Variants in CAMKMT observed in about 807,000 individuals in gnomAD.
CAMKMT encodes CaM KMT.
Under a neutral mutation model 48.0 loss-of-function variants are expected in CAMKMT, and 53 were observed. The ratio of observed to expected loss-of-function variants is 1.10; its 90% CI spans 0.89 to 1.39. CAMKMT has a LOEUF of 1.39. CAMKMT is among the 40% of genes most tolerant of loss of function. CAMKMT has a pLI of 0.00. For synonymous variants in CAMKMT, 165 were observed against 152.3 expected, an observed-to-expected ratio of 1.08 and a Z score of -0.61; for missense variants, 428 against 402.7, an observed-to-expected ratio of 1.06 and a Z score of -0.54.
At chr2:44,494,549 A>G (rs1558656039) in intron 3 of CAMKMT, among the ~76,000 whole-genome samples, 1 of 152,222 alleles carries the variant, frequency 6.6e-6, no homozygotes, top group Non-Finnish European at 1.5e-5. Context: ...CTAGGACATA[A>G]AAATGGAAAC....
chr2:44,414,175 T>C (rs1322597293), intron 3 of CAMKMT, among the ~76,000 whole-genome samples: 1 of 152,184 alleles, frequency 6.6e-6, no homozygotes, highest in Non-Finnish European at 1.5e-5. Flanking sequence ...TAATGGTTAT[T>C]TTCTGGTTGT....
chr2:44,602,370 G>T (rs1382721431), intron 3 of CAMKMT, among the ~76,000 whole-genome samples: 1 of 152,012 alleles, frequency 6.6e-6, no homozygotes, highest in East Asian at 1.9e-4. Flanking sequence ...TCTATAGTGT[G>T]AATGCACCAT....
intron 3 of CAMKMT, chr2:44,400,744 C>T (rs1369001844): frequency 1.3e-5 from 2 of 151,434 alleles, no homozygotes; most frequent in African/African-American, 4.8e-5. Context: ...AAAAAATAAG[C>T]TAACACTATT....
intron 3 of CAMKMT, among the ~76,000 whole-genome samples, chr2:44,488,570 T>C (rs1433645467): frequency 6.6e-6 from 1 of 151,954 alleles, no homozygotes; most frequent in Non-Finnish European, 1.5e-5. Flanking sequence ...GGCATGGTGG[T>C]GTGCACCTGT....
At chr2:44,541,685 C>T (rs1007156323) in intron 3 of CAMKMT, among the ~76,000 whole-genome samples, 1 of 150,714 alleles carries the variant, frequency 6.6e-6, no homozygotes, top group Non-Finnish European at 1.5e-5. Flanking sequence ...GTAAGAGGAT[C>T]ACTGGGTCCC....
chr2:44,534,286 A>G (rs1666646351), intron 3 of CAMKMT, among the ~76,000 whole-genome samples: 1 of 152,156 alleles, frequency 6.6e-6, no homozygotes, highest in Non-Finnish European at 1.5e-5. Flanking sequence ...GGAATTCAGT[A>G]TTCCACTCAT....
chr2:44,768,827 G>T (rs1680976767), intron 10 of CAMKMT, among the ~76,000 whole-genome samples: 2 of 152,118 alleles, frequency 1.3e-5, no homozygotes, highest in Admixed American at 1.3e-4. Context: ...CCTGGGACGC[G>T]CTGCTCCCCA....
In CAMKMT at chr2:44,577,618, C is replaced by CA. The variant is rs976059297; in HGVS notation, c.377-126657dup. On this transcript the variant is annotated intron_variant, in intron 3 of 10. Coordinates refer to ENST00000378494, the MANE Select transcript of CAMKMT (RefSeq NM_024766.5). ...TGAGAGACAGAGTGAGACCCTGTCT[C>CA]AAAAAAAATGAAAGAAAGAAAGGAC... Among the ~76,000 whole-genome samples the CA allele has an allele frequency of 1.3e-4, 18 of 137,000 alleles. No homozygotes were observed. The South Asian group carries it at 1.5e-3, about 12-fold the overall frequency. The allele number at this position is 137,000 out of a possible 152,430, so 89.9% of individuals were successfully genotyped here.
chr2:44,418,179 C>T lies in CAMKMT; in HGVS notation c.376+27874C>T, dbSNP rs113805472. On this transcript the variant is annotated intron_variant, in intron 3 of 10. Coordinates refer to ENST00000378494, the MANE Select transcript of CAMKMT (RefSeq NM_024766.5). ...TGCACTCTAGCCTGGGCGACAAGAG[C>T]GGAACTCTGTCTCAAAAAAAAAAAA... is the stretch of plus-strand genomic sequence containing the variant. Among the ~76,000 whole-genome samples the T allele has an allele frequency of 1.7e-4, 22 of 130,816 alleles. No homozygotes were observed. In the East Asian group the frequency reaches 3.2e-3, roughly 19 times the overall value. The allele number at this position is 130,816 out of a possible 152,430, so 85.8% of individuals were successfully genotyped here. A position where few individuals can be genotyped will look rare whatever the true frequency, so the allele number is the denominator to read the frequency against.
chr2:44,713,758 C>A (rs910343056), intron 6 of CAMKMT, among the ~76,000 whole-genome samples: 4 of 152,092 alleles, frequency 2.6e-5, no homozygotes, highest in African/African-American at 7.2e-5. Flanking sequence ...ATCACAGTAC[C>A]TGCTTATTCA....
At position 44,562,788 on chromosome 2, in the gene CAMKMT, T is replaced by C. The variant is rs181859154; in HGVS notation, c.377-141495T>C. ...GTTGGCCAGGCTGGTCTCAAACTCC[T>C]GACCTCAAGTAATCTGCCCGCCTGG... On this transcript the variant is annotated intron_variant, in intron 3 of 10. Transcript: ENST00000378494. 3.0e-3 allele frequency among the ~76,000 whole-genome samples: 464 copies of C among 152,316 alleles called. 1 individual carries two copies. Among genetic ancestry groups the C allele is most frequent in the African/African-American group, 8.4e-3 (350 of 41,566 alleles).
chr2:44,378,827 C>G (rs528533380), intron 2 of CAMKMT, among the ~76,000 whole-genome samples: 21 of 152,210 alleles, frequency 1.4e-4, no homozygotes, highest in South Asian at 8.3e-4. Flanking sequence ...GAAAACCTCT[C>G]CTCTTTGTTC....
intron 3 of CAMKMT, among the ~76,000 whole-genome samples, chr2:44,701,032 G>A (rs984694825): frequency 5.9e-5 from 9 of 152,100 alleles, no homozygotes; most frequent in Admixed American, 2.0e-4. Flanking sequence ...TTATTTATCC[G>A]TTAGTCAGTT....
rs140940979 is a variant in CAMKMT, at chr2:44,758,742, G to C, written c.762+4624G>C. On this transcript the variant is annotated intron_variant, in intron 9 of 10. Transcript: ENST00000378494. ...CTCACTGTCATTGTATTCCTTAAAA[G>C]TCCATGACAACAGCAGTGTCCAGTA... 6.8e-3 allele frequency among the ~76,000 whole-genome samples: 1,035 copies of C among 152,260 alleles called. 13 individuals are homozygous for C. Among genetic ancestry groups the C allele is most frequent in the African/African-American group, 0.024 (982 of 41,532 alleles).
At chr2:44,569,849 G>T (rs1049617655) in intron 3 of CAMKMT, among the ~76,000 whole-genome samples, 1 of 152,150 alleles carries the variant, frequency 6.6e-6, no homozygotes, top group Admixed American at 6.5e-5. Context: ...GTCTGATGAT[G>T]TGGATTTTAT....
chr2:44,523,770 A>ATTTTT (rs70937920), intron 3 of CAMKMT, among the ~76,000 whole-genome samples: 7 of 89,876 alleles, frequency 7.8e-5, no homozygotes, highest in East Asian at 3.1e-4. Flanking sequence ...GAGAGCGAGC[A>ATTTTT]TTTTTTTTTT....
chr2:44,492,547 C>T (rs552528729), intron 3 of CAMKMT, among the ~76,000 whole-genome samples: 3 of 152,162 alleles, frequency 2.0e-5, no homozygotes, highest in Non-Finnish European at 2.9e-5. Context: ...TCTGAGAGTG[C>T]GTTTGCCCAA....
chr2:44,416,338 G>T (rs1259236422), intron 3 of CAMKMT, among the ~76,000 whole-genome samples: 1 of 152,028 alleles, frequency 6.6e-6, no homozygotes, highest in Admixed American at 6.6e-5. Context: ...CACCAATTTT[G>T]ATGTACATTT....
In CAMKMT at chr2:44,505,928, C is replaced by T. The variant is rs192999502; in HGVS notation, c.376+115623C>T. On this transcript the variant is annotated intron_variant, in intron 3 of 10. Transcript: ENST00000378494. Reference sequence around the variant, plus strand: ...TGTTGCCCAGGCTGAAGTGCAGTGGCGCGATCTTGGCTTACTGCAACCTCC... The same window carrying T: ...TGTTGCCCAGGCTGAAGTGCAGTGGTGCGATCTTGGCTTACTGCAACCTCC... Among the ~76,000 whole-genome samples the T allele has an allele frequency of 2.1e-3, 325 of 151,970 alleles. 2 individuals carry two copies. The highest frequency in any genetic ancestry group is 0.017 in the Middle Eastern group (5 of 294).
Sources: gnomAD v4.1 joint callset for allele counts (sites outside exome capture counted in the v4.1 genomes callset) on GRCh38, gnomAD v4.1.1 for gene constraint, MANE v1.5 for transcripts, NCBI Gene and HGNC (gene_info 2026-07-23, HGNC 2026-07-21) for gene names.